ADAMTSL1: variants seen among roughly 807,000 people sequenced by gnomAD.
The protein encoded by ADAMTSL1 is ADAMTS like 1, also known as ADAMTS-like protein 1.
Under a neutral mutation model 201.8 loss-of-function variants are expected in ADAMTSL1, and 126 were observed. The ratio of observed to expected loss-of-function variants is 0.62; its 90% CI spans 0.54 to 0.72. The LOEUF is 0.72. ADAMTSL1 is among the 30% of genes least tolerant of loss of function. The pLI, the probability that ADAMTSL1 is intolerant of heterozygous loss-of-function variation, is 0.00. For synonymous variants in ADAMTSL1, 1,121 were observed against 903.4 expected (o/e 1.24, Z -4.32); for missense variants, 2,679 against 2,277.8 (o/e 1.18, Z -3.59).
chr9:18,560,528 A>G (rs1302634352), intron 3 of ADAMTSL1, among the ~76,000 whole-genome samples: 1 of 152,192 alleles, frequency 6.6e-6, no homozygotes, highest in Non-Finnish European at 1.5e-5. Flanking sequence ...GCCTCATAAA[A>G]TGAGTTAGGG....
At chr9:18,547,889 G>C (rs1249574355) in intron 3 of ADAMTSL1, among the ~76,000 whole-genome samples, 1 of 151,532 alleles carries the variant, frequency 6.6e-6, no homozygotes, top group Non-Finnish European at 1.5e-5. Context: ...AAAACCATTG[G>C]AACAGACAAA....
At chr9:18,002,532 G>A (rs1425799340) in intron 1 of ADAMTSL1, among the ~76,000 whole-genome samples, 1 of 152,016 alleles carries the variant, frequency 6.6e-6, no homozygotes, top group East Asian at 1.9e-4. Flanking sequence ...TGTGACCATA[G>A]CATTAATGAA....
chr9:18,482,823 G>A (rs1011968461), intron 1 of ADAMTSL1, among the ~76,000 whole-genome samples: 15 of 152,320 alleles, frequency 9.8e-5, no homozygotes, highest in South Asian at 6.2e-4. Flanking sequence ...GTTCAGGTGT[G>A]CTTAAGTGAG....
At chr9:18,739,038 C>G (rs1389351834) in intron 15 of ADAMTSL1, among the ~76,000 whole-genome samples, 3 of 152,140 alleles carry the variant, frequency 2.0e-5, no homozygotes, top group Non-Finnish European at 4.4e-5. Flanking sequence ...GCTATGTGAA[C>G]TCGGCCAAGT....
chr9:18,680,368 G>A lies in ADAMTSL1; in HGVS notation c.1193G>A (p.Ser398Asn), dbSNP rs376419479. The A allele has an allele frequency of 4.3e-6, 7 of 1,614,162 alleles. No homozygotes were observed. The highest frequency in any genetic ancestry group is 1.7e-4 in the Middle Eastern group (1 of 6,060). The stretch of plus-strand genomic sequence containing the variant: ...TCCTCGTGTGGGGGGGGCATCCAGA[G>A]CCGGGCAGTTTCCTGTGTGGAGGAG... ...CSSSCGGGIQSRAVSCVEEDI... is the reference protein window; with the variant it reads ...CSSSCGGGIQNRAVSCVEEDI... Residue 398 changes from serine (S) to asparagine (N), a missense_variant, in exon 11 of 29, where the codon AGC (serine) becomes AAC (asparagine). Ser to Asn is a conservative substitution (Grantham distance 46). Transcript: ENST00000380548.
At chr9:18,384,448 T>C (rs1041248235) in intron 2 of ADAMTSL1, among the ~76,000 whole-genome samples, 9 of 152,134 alleles carry the variant, frequency 5.9e-5, no homozygotes, top group African/African-American at 2.2e-4. Flanking sequence ...ACCATATCAG[T>C]ACCTGATCAT....
chr9:18,104,140 G>A (rs986270385), intron 1 of ADAMTSL1, among the ~76,000 whole-genome samples: 2 of 152,130 alleles, frequency 1.3e-5, no homozygotes. Flanking sequence ...AAAAGCTGAG[G>A]CCTAGGAGTA....
intron 1 of ADAMTSL1, among the ~76,000 whole-genome samples, chr9:18,475,734 C>T (rs2131774948): frequency 6.6e-6 from 1 of 152,160 alleles, no homozygotes; most frequent in East Asian, 1.9e-4. Context: ...TAGTTTGTCT[C>T]ATCTTTCCTT....
intron 1 of ADAMTSL1, among the ~76,000 whole-genome samples, chr9:18,109,019 T>C (rs1242583844): frequency 6.6e-6 from 1 of 152,148 alleles, no homozygotes; most frequent in Non-Finnish European, 1.5e-5. Flanking sequence ...GCTATAGTTT[T>C]TTTGCAACTC....
chr9:18,477,451 A>T (rs181350161), intron 1 of ADAMTSL1, among the ~76,000 whole-genome samples: 5 of 152,060 alleles, frequency 3.3e-5, no homozygotes, highest in African/African-American at 1.2e-4. Flanking sequence ...TCCCTCTGGC[A>T]CTCTCTCCCA....
At chr9:18,310,432 C>G (rs1413770992) in intron 2 of ADAMTSL1, among the ~76,000 whole-genome samples, 2 of 97,660 alleles carry the variant, frequency 2.0e-5, no homozygotes, top group Non-Finnish European at 4.1e-5. Flanking sequence ...ACCTATAGAA[C>G]GGGAGAAAAA....
rs1479841695 is a variant in ADAMTSL1 at position 18,195,830 on chromosome 9, A to G, written c.207+31849A>G. On this transcript the variant is annotated intron_variant, in intron 2 of 29. Coordinates refer to the ADAMTSL1 transcript ENST00000680146. ...TGTTTACTTTGCTAAAATTGTAGTCATATGTTCATTTGGTAAGATGTTTAG... is the reference window on the plus strand; with the variant it reads ...TGTTTACTTTGCTAAAATTGTAGTCGTATGTTCATTTGGTAAGATGTTTAG... Among the ~76,000 whole-genome samples the G allele has an allele frequency of 2.6e-5, 4 of 152,110 alleles. No homozygotes were observed. The East Asian group carries it at 7.7e-4, about 29-fold the overall frequency.
In ADAMTSL1 at chr9:18,850,744, C is replaced by G. The variant is rs531788739; in HGVS notation, c.4249+20767C>G. Reference sequence around the variant, plus strand: ...GAAGGTAAATTCTAGCCCCAGTCAACCTACCGTTTTATTAACTTACTCATT... The same window carrying G: ...GAAGGTAAATTCTAGCCCCAGTCAAGCTACCGTTTTATTAACTTACTCATT... On this transcript the variant is annotated intron_variant, in intron 23 of 28. Transcript: ENST00000380548. 2.0e-5 allele frequency among the ~76,000 whole-genome samples: 3 copies of G among 152,246 alleles called. No individual in the cohort carries two copies. In the South Asian group the frequency reaches 6.2e-4, roughly 32 times the overall value.
intron 2 of ADAMTSL1, among the ~76,000 whole-genome samples, chr9:18,201,137 G>C (rs149650641): frequency 6.6e-6 from 1 of 152,038 alleles, no homozygotes; most frequent in Non-Finnish European, 1.5e-5. Flanking sequence ...TGAAAGCATA[G>C]ACAGTTTATC....
At chr9:18,589,315 G>A (rs1823756120) in intron 4 of ADAMTSL1, among the ~76,000 whole-genome samples, 1 of 151,786 alleles carries the variant, frequency 6.6e-6, no homozygotes, top group African/African-American at 2.4e-5. Context: ...TTTATTCTAA[G>A]GTATTTTTTC....
intron 2 of ADAMTSL1, among the ~76,000 whole-genome samples, chr9:18,228,131 T>C (rs1337432939): frequency 6.6e-6 from 1 of 152,150 alleles, no homozygotes; most frequent in Non-Finnish European, 1.5e-5. Context: ...ATTTACGAAG[T>C]CATTGGAGGA....
chr9:18,718,645 G>A (rs1026569834), intron 14 of ADAMTSL1: 2 of 358,414 alleles, frequency 5.6e-6, no homozygotes, highest in Middle Eastern at 8.0e-4. Context: ...TGCCGCCGCC[G>A]CTCCAGCTGG....
intron 2 of ADAMTSL1, among the ~76,000 whole-genome samples, chr9:18,175,302 T>C (rs2132144294): frequency 6.6e-6 from 1 of 152,334 alleles, no homozygotes; most frequent in East Asian, 1.9e-4. Flanking sequence ...GAGTTCTTCC[T>C]AGTAGACTCA....
At chr9:18,622,591 T>G (rs1051351497) in intron 5 of ADAMTSL1, 8 of 627,050 alleles carry the variant, frequency 1.3e-5, no homozygotes, top group East Asian at 2.8e-5. Context: ...CTGAGGCACA[T>G]CAGGAGTGAA....
Sources: allele counts gnomAD v4.1 joint callset (sites outside exome capture counted in the v4.1 genomes callset), GRCh38; gene constraint gnomAD v4.1.1; transcripts MANE v1.5; gene names NCBI Gene and HGNC (gene_info 2026-07-23, HGNC 2026-07-21).